The following HDAC9 variants were observed in gnomAD, a reference collection of about 807,000 sequenced individuals.
HDAC9 encodes histone deacetylase 9, also known as MEF-2 interacting transcription repressor (MITR) protein.
In HDAC9, 41 loss-of-function variants were observed where a neutral mutation model predicts 139.4. The ratio of observed to expected loss-of-function variants is 0.29; its 90% CI spans 0.23 to 0.38. The LOEUF is 0.38. HDAC9 is among the 10% of genes least tolerant of loss of function. The pLI, the probability that HDAC9 is intolerant of heterozygous loss-of-function variation, is 1.00. For synonymous variants in HDAC9, 517 were observed against 476.2 expected (o/e 1.09, Z -1.12); for missense variants, 1,147 against 1,297.0 (o/e 0.88, Z 1.78).
chr7:18,931,984 A>G (rs1585340693), intron 22 of HDAC9, among the ~76,000 whole-genome samples: 2 of 152,172 alleles, frequency 1.3e-5, no homozygotes, highest in Admixed American at 6.5e-5. Context: ...AACCTCAACT[A>G]TACTTTAGTT....
At chr7:18,899,352 C>T (rs1801491617) in intron 22 of HDAC9, 1 of 151,790 alleles carries the variant, frequency 6.6e-6, no homozygotes, top group Admixed American at 6.6e-5. Flanking sequence ...AAGTTACTTG[C>T]TCTCCCTATA....
chr7:18,535,148 C>T (rs1810447507), intron 2 of HDAC9, among the ~76,000 whole-genome samples: 1 of 152,142 alleles, frequency 6.6e-6, no homozygotes, highest in African/African-American at 2.4e-5. Flanking sequence ...ACTGAACTCT[C>T]CTGCTCATTC....
intron 1 of HDAC9, among the ~76,000 whole-genome samples, chr7:18,297,480 G>T (rs199912078): frequency 1.3e-3 from 197 of 152,142 alleles, no homozygotes; most frequent in South Asian, 7.5e-3. Flanking sequence ...TGCTCTCCTT[G>T]CCAATCCATC....
intron 17 of HDAC9, among the ~76,000 whole-genome samples, chr7:18,805,518 C>T: frequency 6.6e-6 from 1 of 152,202 alleles, no homozygotes; most frequent in East Asian, 1.9e-4. Flanking sequence ...ATTTTTCCCC[C>T]TGCGGGCCAG....
intron 25 of HDAC9, among the ~76,000 whole-genome samples, chr7:18,976,967 C>T (rs1173144328): frequency 6.6e-6 from 1 of 152,210 alleles, no homozygotes; most frequent in Non-Finnish European, 1.5e-5. Flanking sequence ...AACAGTTCTA[C>T]TTTCTTGCTT....
chr7:18,309,926 CA>C (rs1373265144), intron 1 of HDAC9, among the ~76,000 whole-genome samples: 2 of 152,098 alleles, frequency 1.3e-5, no homozygotes, highest in African/African-American at 4.8e-5. Flanking sequence ...TGATATTAAA[CA>C]AATGTGTTGA....
chr7:18,247,337 C>A (rs1794622911), intron 2 of HDAC9, among the ~76,000 whole-genome samples: 1 of 151,510 alleles, frequency 6.6e-6, no homozygotes. Context: ...TGGTGAGGGG[C>A]ACAGAAAAAA....
intron 1 of HDAC9, among the ~76,000 whole-genome samples, chr7:18,115,503 A>G (rs1016203533): frequency 2.6e-5 from 4 of 152,242 alleles, no homozygotes; most frequent in African/African-American, 7.2e-5. Flanking sequence ...ACAATGAGAT[A>G]TAAGTTTTTC....
At chr7:18,891,187 T>C (rs1211287066) in intron 22 of HDAC9, among the ~76,000 whole-genome samples, 5 of 152,228 alleles carry the variant, frequency 3.3e-5, no homozygotes, top group African/African-American at 9.6e-5. Flanking sequence ...ACTTTCCTTA[T>C]GCACAATATT....
chr7:18,724,707 T>C (rs892475208), intron 12 of HDAC9, among the ~76,000 whole-genome samples: 1 of 152,194 alleles, frequency 6.6e-6, no homozygotes, highest in African/African-American at 2.4e-5. Context: ...CCCAGTGTCA[T>C]ATATGTGGTC....
intron 2 of HDAC9, among the ~76,000 whole-genome samples, chr7:18,556,966 A>C (rs1487086209): frequency 2.0e-5 from 3 of 152,086 alleles, no homozygotes; most frequent in African/African-American, 7.2e-5. Context: ...TGGCAAGTTC[A>C]GAAACCTATT....
At chr7:18,958,558 G>T (rs746849091) in intron 24 of HDAC9, among the ~76,000 whole-genome samples, 1 of 152,216 alleles carries the variant, frequency 6.6e-6, no homozygotes, top group Non-Finnish European at 1.5e-5. Context: ...TCTGCAATAC[G>T]TGGCAACTTA....
chr7:18,696,492 G>A (rs1412165002), intron 12 of HDAC9, among the ~76,000 whole-genome samples: 4 of 147,466 alleles, frequency 2.7e-5, no homozygotes, highest in East Asian at 2.0e-4. Flanking sequence ...TTTTTGAGAC[G>A]GAGTCTTGCT....
chr7:18,817,748 C>T (rs114915528), intron 17 of HDAC9, among the ~76,000 whole-genome samples: 415 of 152,238 alleles, frequency 2.7e-3, no homozygotes, highest in African/African-American at 9.5e-3. Context: ...CTATTTTTGA[C>T]GGAGAAAAAC....
chr7:18,591,695 G>C (rs1305681340), intron 5 of HDAC9, 53 bp downstream of exon 5: 1 of 1,592,580 alleles, frequency 6.3e-7, no homozygotes, highest in Non-Finnish European at 8.6e-7. Context: ...CACAGGTTCT[G>C]TATTTAGCCG....
intron 1 of HDAC9, among the ~76,000 whole-genome samples, chr7:18,298,230 A>G (rs1798273226): frequency 6.6e-6 from 1 of 151,850 alleles, no homozygotes; most frequent in African/African-American, 2.4e-5. Flanking sequence ...ATCCATATTT[A>G]TCTAACCTTT....
chr7:18,563,506 A>G (rs1488688144), intron 2 of HDAC9, among the ~76,000 whole-genome samples: 1 of 151,972 alleles, frequency 6.6e-6, no homozygotes, highest in Admixed American at 6.6e-5. Context: ...TACTCAGAAA[A>G]TTTTCTTATA....
At chr7:18,092,398 TC>T (rs1284019756) in intron 1 of HDAC9, among the ~76,000 whole-genome samples, 1 of 147,774 alleles carries the variant, frequency 6.8e-6, no homozygotes, top group Non-Finnish European at 1.5e-5. Context: ...TTTCTTTCTT[TC>T]TTTTTTTTTT....
intron 6 of HDAC9, among the ~76,000 whole-genome samples, chr7:18,599,473 C>A (rs574978180): frequency 7.9e-5 from 12 of 152,296 alleles, no homozygotes; most frequent in African/African-American, 2.6e-4. Context: ...ATCCTCCCCC[C>A]ACCCAACTTT....
Sources: allele counts gnomAD v4.1 joint callset (sites outside exome capture counted in the v4.1 genomes callset), GRCh38; gene constraint gnomAD v4.1.1; transcripts MANE v1.5; gene names NCBI Gene and HGNC (gene_info 2026-07-23, HGNC 2026-07-21).